Variants in ADAMTS19 observed in about 807,000 individuals in gnomAD.
ADAMTS19 encodes A disintegrin and metalloproteinase with thrombospondin motifs 19.
In ADAMTS19, 93 loss-of-function variants were observed where a neutral mutation model predicts 153.3. The ratio of observed to expected loss-of-function variants is 0.61; its 90% confidence interval spans 0.51 to 0.72. The LOEUF is 0.72. Among genes scored for constraint, ADAMTS19 ranks in the 30% least tolerant of loss-of-function variants. The probability of loss-of-function intolerance (pLI) is 0.00; values close to 1 mark genes in which losing one functional copy is unlikely to be tolerated. For missense variants in ADAMTS19, 1,482 were observed against 1,552.1 expected (o/e 0.95, Z 0.76); for synonymous variants, 600 against 556.6 (o/e 1.08, Z -1.10).
At chr5:129,668,401 A>C (rs1274230451) in intron 16 of ADAMTS19, among the ~76,000 whole-genome samples, 1 of 152,188 alleles carries the variant, frequency 6.6e-6, no homozygotes, top group Non-Finnish European at 1.5e-5. Flanking sequence ...TATTGCTCAT[A>C]GTTCTGGAGG....
At chr5:129,561,270 G>T (rs1314429797) in intron 7 of ADAMTS19, among the ~76,000 whole-genome samples, 1 of 152,066 alleles carries the variant, frequency 6.6e-6, no homozygotes, top group Admixed American at 6.5e-5. Context: ...ATGTTATTAC[G>T]GTTGACCTGT....
At chr5:129,597,407 C>T (rs1750431488) in intron 8 of ADAMTS19, among the ~76,000 whole-genome samples, 1 of 151,954 alleles carries the variant, frequency 6.6e-6, no homozygotes, top group Non-Finnish European at 1.5e-5. Context: ...GAGAATTTAC[C>T]CTCCTGAAAT....
chr5:129,616,318 G>C (rs577651153), intron 8 of ADAMTS19, among the ~76,000 whole-genome samples: 5 of 151,946 alleles, frequency 3.3e-5, no homozygotes, highest in African/African-American at 4.8e-5. Flanking sequence ...GTAATAGTTT[G>C]TTTCTTTCTT....
intron 6 of ADAMTS19, among the ~76,000 whole-genome samples, chr5:129,549,507 TAAAC>T (rs1411358950): frequency 6.6e-6 from 1 of 151,476 alleles, no homozygotes; most frequent in East Asian, 1.9e-4. Context: ...TAGTTCAAAA[TAAAC>T]AAACTTAGAG....
rs1043209341 is a variant in ADAMTS19 at position 129,723,127 on chromosome 5, AT to A, written c.3313-11801del. ...GCTATCATCTGTCTTAGTAGATATA[AT>A]TTTATAAGAGATCATGTCTGTATCT... On this transcript the variant is annotated intron_variant, in intron 21 of 22. Coordinates refer to ENST00000274487, the MANE Select transcript of ADAMTS19 (RefSeq NM_133638.6). 1.3e-3 allele frequency among the ~76,000 whole-genome samples: 195 copies of A among 152,284 alleles called. 1 individual carries two copies. Among genetic ancestry groups the A allele is most frequent in the African/African-American group, 4.5e-3 (188 of 41,566 alleles).
chr5:129,664,543 A>AG (rs1048770499), intron 15 of ADAMTS19, among the ~76,000 whole-genome samples: 14 of 152,082 alleles, frequency 9.2e-5, no homozygotes, highest in East Asian at 3.9e-4. Flanking sequence ...CACTACCACC[A>AG]GGGGGGGTAT....
intron 21 of ADAMTS19, among the ~76,000 whole-genome samples, chr5:129,705,351 A>T (rs1756096040): frequency 1.3e-5 from 2 of 152,182 alleles, no homozygotes; most frequent in African/African-American, 2.4e-5. Context: ...AAATATTTTC[A>T]ATATAGAAAA....
intron 21 of ADAMTS19, among the ~76,000 whole-genome samples, chr5:129,727,635 G>A (rs554414801): frequency 2.5e-4 from 38 of 152,156 alleles, no homozygotes; most frequent in African/African-American, 7.7e-4. Context: ...CTGTAAAACC[G>A]TAGACAGTAG....
intron 2 of ADAMTS19, among the ~76,000 whole-genome samples, chr5:129,479,343 C>G (rs1750335067): frequency 6.6e-6 from 1 of 152,140 alleles, no homozygotes; most frequent in Non-Finnish European, 1.5e-5. Flanking sequence ...AATCTATCTT[C>G]TCTTTCTCTT....
At chr5:129,470,176 AG>A (rs1465446514) in intron 2 of ADAMTS19, among the ~76,000 whole-genome samples, 1 of 152,236 alleles carries the variant, frequency 6.6e-6, no homozygotes, top group Non-Finnish European at 1.5e-5. Flanking sequence ...TGAATCATAT[AG>A]TATTCTTTTA....
intron 6 of ADAMTS19, among the ~76,000 whole-genome samples, chr5:129,531,782 G>A (rs1241457156): frequency 6.6e-6 from 1 of 152,058 alleles, no homozygotes; most frequent in Admixed American, 6.6e-5. Context: ...AATCAAGATA[G>A]TATGGTTTTG....
chr5:129,567,224 G>T (rs1753748410), intron 7 of ADAMTS19, among the ~76,000 whole-genome samples: 1 of 152,102 alleles, frequency 6.6e-6, no homozygotes. Flanking sequence ...ACCAAACTAG[G>T]TTGATTTTAT....
At chr5:129,473,887 G>A (rs1021016360) in intron 2 of ADAMTS19, among the ~76,000 whole-genome samples, 3 of 151,998 alleles carry the variant, frequency 2.0e-5, no homozygotes, top group African/African-American at 7.2e-5. Flanking sequence ...AGGATATTGC[G>A]AATGCCCTTT....
At chr5:129,613,788 G>A (rs1178587765) in intron 8 of ADAMTS19, among the ~76,000 whole-genome samples, 1 of 152,046 alleles carries the variant, frequency 6.6e-6, no homozygotes, top group Non-Finnish European at 1.5e-5. Flanking sequence ...TAGACTGCTA[G>A]CGAGACTAAT....
intron 7 of ADAMTS19, among the ~76,000 whole-genome samples, chr5:129,591,591 C>A (rs1468197266): frequency 6.6e-6 from 1 of 152,064 alleles, no homozygotes; most frequent in African/African-American, 2.4e-5. Context: ...CCATACCCAG[C>A]CAAAGTCACA....
rs772918631 is a variant in ADAMTS19 at position 129,654,393 on chromosome 5, G to A, written c.2264G>A (p.Gly755Asp). The change falls in exon 14 of 23, where the codon GGC becomes GAC. Residue 755 changes from glycine to aspartate, a missense_variant. Physicochemically the swap from Gly to Asp is moderately conservative, Grantham distance 94 (BLOSUM62 -1). This residue lies in a region of ADAMTS19 where 616 missense variants were observed against 724.4 expected (regional missense o/e 0.85). Transcript: ENST00000274487. ...SEKVMDGTSC[G>D]YQGLDICANG... ...AAAGTGATGGATGGAACTTCTTGTG[G>A]CTATCAGGGATTAGATATCTGTGCA... 3 of 1,612,910 alleles carry A rather than the reference G, an allele frequency of 1.9e-6. No individual in the cohort carries two copies. The highest frequency in any genetic ancestry group is 1.7e-5 in the Admixed American group (1 of 59,870).
intron 2 of ADAMTS19, among the ~76,000 whole-genome samples, chr5:129,506,836 AGAGCATT>A (rs1321866242): frequency 6.6e-6 from 1 of 151,926 alleles, no homozygotes; most frequent in Non-Finnish European, 1.5e-5. Context: ...ACCCATGATA[AGAGCATT>A]GCTTTCTGTT....
intron 20 of ADAMTS19, among the ~76,000 whole-genome samples, chr5:129,702,941 A>AAAAAAAAAAAAATATATATATATATATAT: frequency 3.4e-5 from 1 of 29,306 alleles, no homozygotes; most frequent in African/African-American, 8.5e-5. Context: ...AAAAAAAAAA[A>AAAAAAAAAAAAATATATATATATATATAT]ATATATATAT....
intron 3 of ADAMTS19, among the ~76,000 whole-genome samples, chr5:129,523,376 A>G (rs533169729): frequency 1.3e-4 from 20 of 152,322 alleles, no homozygotes; most frequent in Middle Eastern, 3.4e-3. Flanking sequence ...TTTGTATTAA[A>G]TAGTAAAGAA....
Sources: gnomAD v4.1 joint callset for allele counts (sites outside exome capture counted in the v4.1 genomes callset) on GRCh38, gnomAD v4.1.1 for gene constraint, gnomAD v4.1.1 regional missense constraint, MANE v1.5 for transcripts, NCBI Gene and HGNC (gene_info 2026-07-23, HGNC 2026-07-21) for gene names.